Variants in TMPRSS15 observed in about 807,000 individuals in gnomAD.
TMPRSS15 encodes transmembrane serine protease 15.
Under a neutral mutation model 125.3 loss-of-function variants are expected in TMPRSS15, and 128 were observed. The observed-to-expected ratio is 1.02, with a 90% CI of 0.89 to 1.18. The LOEUF is 1.18. Among genes scored for constraint, TMPRSS15 ranks in the 50% most tolerant of loss-of-function variants. The pLI is 0.00. For missense variants in TMPRSS15, 1,283 were observed against 1,212.7 expected (o/e 1.06, Z -0.86); for synonymous variants, 446 against 423.2 (o/e 1.05, Z -0.66).
chr21:18,346,046 G>T (rs1241173410), intron 10 of TMPRSS15, among the ~76,000 whole-genome samples: 3 of 151,788 alleles, frequency 2.0e-5, no homozygotes, highest in Non-Finnish European at 2.9e-5. Context: ...TATAAATCTT[G>T]CCTAGAGTAA....
chr21:18,470,699 C>T (rs935661924), intron 1 of TMPRSS15, among the ~76,000 whole-genome samples: 16 of 151,984 alleles, frequency 1.1e-4, no homozygotes, highest in African/African-American at 2.4e-4. Flanking sequence ...AATAGATAAA[C>T]TTCATTTTAC....
At chr21:18,431,347 C>G (rs528759601) in intron 1 of TMPRSS15, among the ~76,000 whole-genome samples, 2 of 152,088 alleles carry the variant, frequency 1.3e-5, no homozygotes, top group Non-Finnish European at 2.9e-5. Context: ...TGACATACTT[C>G]TTAATATGGT....
At chr21:18,352,001 T>G (rs2075574465) in intron 10 of TMPRSS15, among the ~76,000 whole-genome samples, 1 of 152,090 alleles carries the variant, frequency 6.6e-6, no homozygotes, top group Non-Finnish European at 1.5e-5. Flanking sequence ...AATGAGATAG[T>G]ATTCTTATCA....
chr21:18,310,936 T>TC (rs1491025289), intron 18 of TMPRSS15, among the ~76,000 whole-genome samples: 25 of 39,926 alleles, frequency 6.3e-4, no homozygotes, highest in South Asian at 2.8e-3. Flanking sequence ...ACTGATTCTT[T>TC]TTTTTTTTTT....
At chr21:18,402,072 A>G (rs2076099865) in intron 1 of TMPRSS15, among the ~76,000 whole-genome samples, 1 of 152,182 alleles carries the variant, frequency 6.6e-6, no homozygotes, top group Non-Finnish European at 1.5e-5. Context: ...CTTTCCCTTT[A>G]AAATATAGCC....
chr21:18,360,817 C>T (rs1366854204), intron 7 of TMPRSS15, among the ~76,000 whole-genome samples: 1 of 152,010 alleles, frequency 6.6e-6, no homozygotes, highest in South Asian at 2.1e-4. Context: ...CTGTAAAAAA[C>T]CTCCATTGGT....
chr21:18,290,059 T>G (rs1030731423), intron 21 of TMPRSS15, among the ~76,000 whole-genome samples: 1 of 152,220 alleles, frequency 6.6e-6, no homozygotes, highest in African/African-American at 2.4e-5. Flanking sequence ...ATTCTCAAAC[T>G]CCTTTTTGTG....
At chr21:18,414,410 C>T (rs939178938) in intron 1 of TMPRSS15, among the ~76,000 whole-genome samples, 24 of 152,250 alleles carry the variant, frequency 1.6e-4, no homozygotes, top group African/African-American at 5.5e-4. Context: ...TTGAAATGCA[C>T]AATATCATAT....
chr21:18,347,329 G>C (rs955038742), intron 10 of TMPRSS15, among the ~76,000 whole-genome samples: 1 of 151,992 alleles, frequency 6.6e-6, no homozygotes, highest in Non-Finnish European at 1.5e-5. Flanking sequence ...TCTGCCTCCG[G>C]TGGTTCAAGT....
intron 21 of TMPRSS15, among the ~76,000 whole-genome samples, chr21:18,288,497 A>G (rs550199326): frequency 6.6e-6 from 1 of 151,368 alleles, no homozygotes; most frequent in African/African-American, 2.4e-5. Flanking sequence ...TTTAAAAGAG[A>G]AGTCTCTATT....
At position 18,312,999 on chromosome 21, in the gene TMPRSS15, G is replaced by T; in HGVS notation, c.2111C>A (p.Ala704Asp). Residue 704 changes from alanine (A) to aspartate (D), a missense_variant, in exon 18 of 25, where the codon GCT becomes GAT. By Grantham distance (126) the Ala-to-Asp change is moderately radical. Transcript: ENST00000284885. ...RIQSIWHTAC[A>D]ENWTTQISND... ...TGAAATCTGGGTGGTCCAGTTCTCA[G>T]CACAAGCTGTATGCCATATGCTCTG... 1 of 1,613,960 alleles carries T rather than the reference G, an allele frequency of 6.2e-7. No homozygotes were observed. Among genetic ancestry groups the T allele is most frequent in the Non-Finnish European group, 8.5e-7 (1 of 1,179,916 alleles).
chr21:18,433,663 C>CAAAAAAAAAAAAAAAAAAAAAAA (rs58432155), intron 1 of TMPRSS15, among the ~76,000 whole-genome samples: 1 of 62,446 alleles, frequency 1.6e-5, no homozygotes, highest in South Asian at 8.0e-4. Flanking sequence ...GACCTTGTCT[C>CAAAAAAAAAAAAAAAAAAAAAAA]AAAAAAAAAA....
At chr21:18,470,328 A>C (rs900004921) in intron 1 of TMPRSS15, among the ~76,000 whole-genome samples, 1 of 152,050 alleles carries the variant, frequency 6.6e-6, no homozygotes, top group African/African-American at 2.4e-5. Context: ...AACAAAAAAA[A>C]AAGTATGCTT....
At chr21:18,343,472 G>T (rs748348933) in intron 12 of TMPRSS15, 34 bp downstream of exon 12, 1 of 1,533,198 alleles carries the variant, frequency 6.5e-7, no homozygotes, top group Non-Finnish European at 9.0e-7. Flanking sequence ...CCACAAAAAG[G>T]ATACAAATAT....
chr21:18,312,427 T>C (rs2075109408), intron 18 of TMPRSS15, among the ~76,000 whole-genome samples: 1 of 151,438 alleles, frequency 6.6e-6, no homozygotes. Flanking sequence ...ATAAAATTTA[T>C]AGAAATACTG....
chr21:18,414,944 T>G (rs767716008), intron 1 of TMPRSS15, among the ~76,000 whole-genome samples: 1 of 152,154 alleles, frequency 6.6e-6, no homozygotes, highest in Non-Finnish European at 1.5e-5. Flanking sequence ...CGTACTGTTT[T>G]CCATAGCTGT....
At chr21:18,446,220 TATAAA>T (rs1446809956) in intron 1 of TMPRSS15, among the ~76,000 whole-genome samples, 1 of 151,992 alleles carries the variant, frequency 6.6e-6, no homozygotes, top group Non-Finnish European at 1.5e-5. Context: ...CCACAAGTAA[TATAAA>T]ATACCTAGGA....
At chr21:18,378,516 C>T (rs530453597) in intron 5 of TMPRSS15, among the ~76,000 whole-genome samples, 53 of 152,156 alleles carry the variant, frequency 3.5e-4, no homozygotes, top group Non-Finnish European at 6.3e-4. Flanking sequence ...AATCCTTTAT[C>T]CTTGCCAAGA....
intron 1 of TMPRSS15, among the ~76,000 whole-genome samples, chr21:18,413,536 C>T (rs1220373570): frequency 2.6e-5 from 4 of 151,070 alleles, no homozygotes; most frequent in African/African-American, 4.9e-5. Flanking sequence ...TCTGCCTCAG[C>T]CTCCCGAGTA....
Sources: allele counts gnomAD v4.1 joint callset (sites outside exome capture counted in the v4.1 genomes callset), GRCh38; gene constraint gnomAD v4.1.1; transcripts MANE v1.5; gene names NCBI Gene and HGNC (gene_info 2026-07-23, HGNC 2026-07-21).